The following CCDC158 variants were observed in gnomAD, a reference collection of about 807,000 sequenced individuals.
CCDC158 encodes coiled-coil domain-containing protein 158.
A neutral mutation model predicts 138.6 loss-of-function variants in CCDC158; 116 were observed. The observed-to-expected ratio is 0.84, with a 90% CI of 0.72 to 0.98. CCDC158 has a LOEUF of 0.98. Among genes scored for constraint, CCDC158 ranks in the 50% least tolerant of loss-of-function variants. The pLI, the probability that CCDC158 is intolerant of heterozygous loss-of-function variation, is 0.00. For missense variants in CCDC158, 1,265 were observed against 1,306.1 expected (o/e 0.97, Z 0.48); for synonymous variants, 436 against 442.4 (o/e 0.99, Z 0.18).
chr4:76,318,828 C>T (rs1363962623), intron 24 of CCDC158, among the ~76,000 whole-genome samples: 1 of 152,178 alleles, frequency 6.6e-6, no homozygotes, highest in Admixed American at 6.5e-5. Context: ...AAGAAAACTA[C>T]AGACCAATAT....
At position 76,329,271 on chromosome 4, in the gene CCDC158, AT is replaced by A. The variant is rs1273134012; in HGVS notation, c.2943-305del. On this transcript the variant is annotated intron_variant, in intron 21 of 24. Coordinates refer to ENST00000682701, the MANE Select transcript of CCDC158 (RefSeq NM_001394954.1). ...CTGTTCATGGATTCTAAGAGATGCA[AT>A]CTTAATGACTCATTTAAAAATAAAG... Among the ~76,000 whole-genome samples the A allele has an allele frequency of 7.2e-5, 11 of 152,270 alleles. No individual in the cohort carries two copies. In the Middle Eastern group the frequency reaches 0.01, roughly 141 times the overall value.
At chr4:76,406,800 T>C (rs1263147419) in intron 2 of CCDC158, among the ~76,000 whole-genome samples, 1 of 152,088 alleles carries the variant, frequency 6.6e-6, no homozygotes, top group Non-Finnish European at 1.5e-5. Context: ...AAATAGTACA[T>C]ATCAATCTGT....
intron 9 of CCDC158, 36 bp from the exon 10 acceptor site, chr4:76,371,572 A>G (rs770039183): frequency 1.9e-6 from 3 of 1,606,862 alleles, no homozygotes; most frequent in South Asian, 2.2e-5. Context: ...GTGTCTGATT[A>G]TGACAGTGGG....
intron 9 of CCDC158, among the ~76,000 whole-genome samples, chr4:76,372,938 T>A (rs1209889546): frequency 6.6e-6 from 1 of 152,122 alleles, no homozygotes; most frequent in Admixed American, 6.5e-5. Context: ...AACCTCCGCC[T>A]CCTGGGTTCA....
Position 76,362,224 on chromosome 4 carries a change from C to T in CCDC158, c.1922G>A (p.Gly641Asp), listed in dbSNP as rs1378963537. The T allele has an allele frequency of 6.2e-7, 1 of 1,614,122 alleles. No individual in the cohort carries two copies. The change falls in exon 13 of 25, where the codon GGC becomes GAC. Residue 641 changes from glycine to aspartate, a missense_variant. Physicochemically the swap from Gly to Asp is moderately conservative, Grantham distance 94 (BLOSUM62 -1). Transcript: ENST00000682701. ...ELEKVKLVNA[G>D]SERLRAVKDI... ...CTTCACTGCACGGAGCCGCTCAGAG[C>T]CTGCATTCACCAGCTTCACCTTTTC...
chr4:76,315,837 C>G (rs1343189500), intron 24 of CCDC158, among the ~76,000 whole-genome samples: 1 of 152,186 alleles, frequency 6.6e-6, no homozygotes, highest in Non-Finnish European at 1.5e-5. Context: ...AGTCTGGTAG[C>G]CCTACTGAGT....
chr4:76,360,704 C>T (rs1400323581), intron 13 of CCDC158, among the ~76,000 whole-genome samples: 1 of 152,200 alleles, frequency 6.6e-6, no homozygotes, highest in African/African-American at 2.4e-5. Context: ...GGAACATCTA[C>T]CCAGTGCCTG....
chr4:76,355,122 T>A (rs1455222497), intron 15 of CCDC158, among the ~76,000 whole-genome samples: 1 of 152,328 alleles, frequency 6.6e-6, no homozygotes, highest in South Asian at 2.1e-4. Flanking sequence ...ATGTTCTTTT[T>A]CCCATTTCCC....
At position 76,353,234 on chromosome 4, in the gene CCDC158, C is replaced by T; in HGVS notation, c.2334G>A (p.Leu778=). 1 of 1,612,432 alleles carries T rather than the reference C, an allele frequency of 6.2e-7. No homozygotes were observed. Among genetic ancestry groups the T allele is most frequent in the Non-Finnish European group, 8.5e-7 (1 of 1,179,420 alleles). The stretch of plus-strand genomic sequence containing the variant: ...TGTTTTTTTCTGTGGCAACAGTACT[C>T]AATTCCTGACTGAGTTTACTTTTCT... The part of the protein sequence containing the change: ...KEEKSKLSQE[L]STVATEKNKM... The change falls in exon 16 of 25, where the codon TTG becomes TTA. Residue 778 remains leucine, a synonymous_variant. Coordinates refer to ENST00000682701, the MANE Select transcript of CCDC158 (RefSeq NM_001394954.1).
chr4:76,338,327 T>G (rs1315986028), intron 18 of CCDC158, among the ~76,000 whole-genome samples: 1 of 152,082 alleles, frequency 6.6e-6, no homozygotes, highest in Non-Finnish European at 1.5e-5. Flanking sequence ...CTGGCCAACA[T>G]AGCAAAACCC....
At chr4:76,358,293 T>C (rs1185538851) in intron 13 of CCDC158, among the ~76,000 whole-genome samples, 1 of 152,168 alleles carries the variant, frequency 6.6e-6, no homozygotes, top group Non-Finnish European at 1.5e-5. Flanking sequence ...CCTCCAAAAA[T>C]ATCCTTAATT....
chr4:76,341,763 T>C (rs1404079681), intron 18 of CCDC158, among the ~76,000 whole-genome samples: 2 of 152,248 alleles, frequency 1.3e-5, no homozygotes, highest in Non-Finnish European at 2.9e-5. Context: ...TCTAGGTGTT[T>C]GAGTTTGGGC....
At position 76,362,325 on chromosome 4, in the gene CCDC158, T is replaced by C. The variant is rs1724229463; in HGVS notation, c.1831-10A>G. 5 of 1,596,800 alleles carry C rather than the reference T, an allele frequency of 3.1e-6. No homozygotes were observed. Among genetic ancestry groups the C allele is most frequent in the South Asian group, 1.1e-5 (1 of 89,960 alleles). On this transcript the variant is annotated splice_polypyrimidine_tract_variant and intron_variant, in intron 12 of 24. Transcript: ENST00000682701. ...TTTTATCTTTTAATATCTAAATATATGGATAAATACAAAGGATAGAGAAGT... is the reference window on the plus strand; with the variant it reads ...TTTTATCTTTTAATATCTAAATATACGGATAAATACAAAGGATAGAGAAGT...
chr4:76,330,689 T>C (rs958579871), intron 21 of CCDC158, among the ~76,000 whole-genome samples: 1 of 152,206 alleles, frequency 6.6e-6, no homozygotes. Context: ...ACTATTTACA[T>C]AGCATTTACA....
In CCDC158 at chr4:76,421,141, T is replaced by G. The variant is rs1730094843; in HGVS notation, c.-293A>C. ...CCTCCTCGGCTGCGGCGCCGGAAGCTGCCCGCGCCCGTCACTCCTCGCGGC... is the reference window on the plus strand; with the variant it reads ...CCTCCTCGGCTGCGGCGCCGGAAGCGGCCCGCGCCCGTCACTCCTCGCGGC... On this transcript the variant is annotated 5_prime_UTR_variant, in exon 1 of 25. Transcript: ENST00000682701. Among the ~76,000 whole-genome samples, 1 of 151,996 alleles carries G rather than the reference T, an allele frequency of 6.6e-6. No homozygotes were observed. The highest frequency in any genetic ancestry group is 1.5e-5 in the Non-Finnish European group (1 of 67,936).
At chr4:76,403,940 AG>A (rs1436119015) in intron 2 of CCDC158, among the ~76,000 whole-genome samples, 10 of 152,302 alleles carry the variant, frequency 6.6e-5, no homozygotes, top group Non-Finnish European at 1.0e-4. Context: ...GAAAAAGTAC[AG>A]ATAAATTCAT....
At position 76,358,463 on chromosome 4, in the gene CCDC158, T is replaced by C. The variant is rs138019391; in HGVS notation, c.2021-937A>G. Among the ~76,000 whole-genome samples the C allele has an allele frequency of 4.0e-3, 608 of 152,304 alleles. 3 individuals are homozygous for C. The highest frequency in any genetic ancestry group is 0.014 in the African/African-American group (577 of 41,562). On this transcript the variant is annotated intron_variant, in intron 13 of 24. Transcript: ENST00000682701. Reference sequence around the variant, plus strand: ...AAAATCTGACAAAAAATCTCCTACTTAATATCTTTTGTGGGCTCCACATTA... The same window carrying C: ...AAAATCTGACAAAAAATCTCCTACTCAATATCTTTTGTGGGCTCCACATTA...
chr4:76,352,570 G>A (rs1477716041), intron 16 of CCDC158: 4 of 152,150 alleles, frequency 2.6e-5, no homozygotes. Context: ...GATGGTTTTG[G>A]TACAATTTTA....
At chr4:76,383,253 T>C (rs1275512840) in intron 7 of CCDC158, among the ~76,000 whole-genome samples, 1 of 152,214 alleles carries the variant, frequency 6.6e-6, no homozygotes, top group African/African-American at 2.4e-5. Flanking sequence ...CCACCCTCGA[T>C]ATCTGATCAA....
Sources: allele counts gnomAD v4.1 joint callset (sites outside exome capture counted in the v4.1 genomes callset), GRCh38; gene constraint gnomAD v4.1.1; transcripts MANE v1.5; gene names NCBI Gene and HGNC (gene_info 2026-07-23, HGNC 2026-07-21).